Variants in VTA1 observed in about 807,000 individuals in gnomAD.
VTA1 encodes vesicle trafficking 1.
VTA1 carries 24 observed loss-of-function variants against 36.9 expected under a neutral mutation model. That is an observed-to-expected ratio of 0.65 (90% CI 0.47 to 0.91). The LOEUF (loss-of-function observed/expected upper bound fraction) is 0.91, where lower values mean the gene tolerates loss of function less well. Among genes scored for constraint, VTA1 ranks in the 40% least tolerant of loss-of-function variants. The pLI is 0.00. For missense variants in VTA1, 393 were observed against 377.2 expected, an observed-to-expected ratio of 1.04 and a Z score of -0.35; for synonymous variants, 142 against 130.2, an observed-to-expected ratio of 1.09 and a Z score of -0.62.
chr6:142,216,253 G>A (rs541389594), intron 7 of VTA1, among the ~76,000 whole-genome samples: 7 of 151,732 alleles, frequency 4.6e-5, no homozygotes, highest in South Asian at 2.1e-4. Context: ...TATATTTTTC[G>A]CTTACTCTGT....
intron 2 of VTA1, among the ~76,000 whole-genome samples, chr6:142,168,094 G>A (rs1212188419): frequency 6.6e-6 from 1 of 152,134 alleles, no homozygotes; most frequent in Non-Finnish European, 1.5e-5. Flanking sequence ...GCACACTGTG[G>A]TGTTTGTATT....
At chr6:142,194,993 T>G (rs535878172) in intron 5 of VTA1, among the ~76,000 whole-genome samples, 1 of 152,242 alleles carries the variant, frequency 6.6e-6, no homozygotes, top group African/African-American at 2.4e-5. Context: ...GTAAACTTAG[T>G]CATGATGAGG....
chr6:142,181,220 G>A (rs1439934947), intron 4 of VTA1, among the ~76,000 whole-genome samples: 1 of 143,440 alleles, frequency 7.0e-6, no homozygotes, highest in Non-Finnish European at 1.5e-5. Context: ...TGCAAGCTCC[G>A]CTTCCCGGGT....
intron 5 of VTA1, among the ~76,000 whole-genome samples, chr6:142,190,018 A>G (rs764578551): frequency 1.3e-5 from 2 of 152,110 alleles, no homozygotes; most frequent in Non-Finnish European, 2.9e-5. Context: ...TGGCCTCCCA[A>G]AGTGCTGGGA....
intron 7 of VTA1, among the ~76,000 whole-genome samples, chr6:142,210,719 GC>G (rs1775887780): frequency 6.6e-6 from 1 of 152,134 alleles, no homozygotes; most frequent in African/African-American, 2.4e-5. Flanking sequence ...AGTTAAAATG[GC>G]TCATACCAAA....
At chr6:142,213,698 C>G (rs1053751412) in intron 7 of VTA1, among the ~76,000 whole-genome samples, 4 of 152,192 alleles carry the variant, frequency 2.6e-5, no homozygotes, top group Non-Finnish European at 5.9e-5. Flanking sequence ...ACCCATAGGC[C>G]CAACACCACA....
chr6:142,178,644 T>A (rs1294805429), intron 4 of VTA1, among the ~76,000 whole-genome samples: 3 of 152,044 alleles, frequency 2.0e-5, no homozygotes, highest in African/African-American at 7.2e-5. Context: ...ATATATATAT[T>A]TGGCAAACTC....
chr6:142,192,462 A>G (rs781383675), intron 5 of VTA1, among the ~76,000 whole-genome samples: 5 of 152,138 alleles, frequency 3.3e-5, no homozygotes, highest in Non-Finnish European at 7.4e-5. Context: ...ATATAAAAAA[A>G]GAACAGTAGA....
intron 7 of VTA1, among the ~76,000 whole-genome samples, chr6:142,207,656 A>G (rs1305634014): frequency 6.6e-6 from 1 of 152,154 alleles, no homozygotes; most frequent in African/African-American, 2.4e-5. Flanking sequence ...TTGAGCAAAT[A>G]TATGCAATAA....
intron 1 of VTA1, among the ~76,000 whole-genome samples, chr6:142,154,147 G>A (rs1171927691): frequency 6.6e-6 from 1 of 151,656 alleles, no homozygotes; most frequent in Middle Eastern, 3.2e-3. Flanking sequence ...AATATAACCT[G>A]CCTTCTCCTT....
At chr6:142,160,470 T>C (rs1398141160) in intron 1 of VTA1, among the ~76,000 whole-genome samples, 1 of 152,210 alleles carries the variant, frequency 6.6e-6, no homozygotes, top group African/African-American at 2.4e-5. Flanking sequence ...CTGGGTTTTT[T>C]CCTGCATAGC....
At chr6:142,206,928 A>C (rs918500449) in intron 7 of VTA1, among the ~76,000 whole-genome samples, 1 of 152,224 alleles carries the variant, frequency 6.6e-6, no homozygotes, top group Non-Finnish European at 1.5e-5. Context: ...CCTTCCACTC[A>C]TCTCAAAATT....
rs539234477 is a variant in VTA1 at position 142,214,650 on chromosome 6, T to A, written c.779-3848T>A. Among the ~76,000 whole-genome samples the A allele has an allele frequency of 1.7e-4, 26 of 152,326 alleles. No individual in the cohort carries two copies. The South Asian group carries it at 3.9e-3, about 23-fold the overall frequency. On this transcript the variant is annotated intron_variant, in intron 7 of 7. Transcript: ENST00000367630. The stretch of plus-strand genomic sequence containing the variant: ...TATAAATTTGTCCAAACTCATGGAA[T>A]GCACAACGTCAAGAGTAAACCCTAA...
intron 5 of VTA1, among the ~76,000 whole-genome samples, chr6:142,192,417 C>T (rs751505880): frequency 2.0e-5 from 3 of 151,784 alleles, no homozygotes; most frequent in Non-Finnish European, 4.4e-5. Flanking sequence ...GTAACACCAT[C>T]GTATGTTGAT....
rs1051192663 is a variant in VTA1, at chr6:142,224,632, G to A, written c.*5989G>A. The A allele has an allele frequency of 2.6e-5, 4 of 151,988 alleles. No individual in the cohort carries two copies. The highest frequency in any genetic ancestry group is 6.6e-5 in the Admixed American group (1 of 15,240). The allele number at this position is 151,988 out of a possible 1,614,324, so 9.4% of individuals were successfully genotyped here. A position where few individuals can be genotyped will look rare whatever the true frequency, so the allele number is the denominator to read the frequency against. ...TTCTGACCTGGTGAAATAAATATACGAATGGGCAAAAAAATATATACTAAA... is the reference window on the plus strand; with the variant it reads ...TTCTGACCTGGTGAAATAAATATACAAATGGGCAAAAAAATATATACTAAA... On this transcript the variant is annotated 3_prime_UTR_variant, in exon 8 of 8. Coordinates refer to ENST00000367630, the MANE Select transcript of VTA1 (RefSeq NM_016485.5).
chr6:142,178,790 A>G (rs778177050), intron 4 of VTA1, among the ~76,000 whole-genome samples: 1 of 152,108 alleles, frequency 6.6e-6, no homozygotes, highest in Non-Finnish European at 1.5e-5. Flanking sequence ...CCCAAATTTT[A>G]TAGTAGAGGT....
intron 4 of VTA1, among the ~76,000 whole-genome samples, chr6:142,183,365 C>G (rs1282442768): frequency 6.6e-6 from 1 of 152,102 alleles, no homozygotes; most frequent in Non-Finnish European, 1.5e-5. Context: ...ATAGCTCTAG[C>G]CAGGAATTTA....
chr6:142,158,864 A>G (rs780797210), intron 1 of VTA1, among the ~76,000 whole-genome samples: 3 of 152,114 alleles, frequency 2.0e-5, no homozygotes, highest in Non-Finnish European at 4.4e-5. Flanking sequence ...ACCACCTAAT[A>G]TTTAAGGAAA....
At position 142,196,267 on chromosome 6, in the gene VTA1, GA is replaced by G. The variant is rs1775550781; in HGVS notation, c.521-2169del. Reference sequence around the variant, plus strand: ...TTTGTGTTAACGTTTTAATCCTTATGAAATGGTCCTTTTTATCTCAGCTAAT... The same window carrying G: ...TTTGTGTTAACGTTTTAATCCTTATGAATGGTCCTTTTTATCTCAGCTAAT... On this transcript the variant is annotated intron_variant, in intron 5 of 7. Transcript: ENST00000367630. 2.0e-5 allele frequency among the ~76,000 whole-genome samples: 3 copies of G among 152,130 alleles called. No homozygotes were observed. In the South Asian group the frequency reaches 6.2e-4, roughly 32 times the overall value.
Sources: allele counts gnomAD v4.1 joint callset (sites outside exome capture counted in the v4.1 genomes callset), GRCh38; gene constraint gnomAD v4.1.1; transcripts MANE v1.5; gene names NCBI Gene and HGNC (gene_info 2026-07-23, HGNC 2026-07-21).